TNR: variants seen among roughly 807,000 people sequenced by gnomAD.
TNR encodes the protein tenascin R, also known as tenascin-R.
A neutral mutation model predicts 150.4 loss-of-function variants in TNR; 45 were observed. The observed-to-expected ratio is 0.30, with a 90% CI of 0.24 to 0.38. The LOEUF (loss-of-function observed/expected upper bound fraction) is 0.38, where lower values mean the gene tolerates loss of function less well. Ranked by LOEUF, TNR falls within the 10% of genes least tolerant of loss-of-function variation. The pLI is 1.00. For missense variants in TNR, 1,544 were observed against 1,759.1 expected (o/e 0.88, Z 2.19); for synonymous variants, 687 against 678.4 (o/e 1.01, Z -0.20).
At chr1:175,689,649 C>G (rs1666301202) in intron 1 of TNR, among the ~76,000 whole-genome samples, 1 of 152,188 alleles carries the variant, frequency 6.6e-6, no homozygotes, top group Non-Finnish European at 1.5e-5. Flanking sequence ...ATAACCTTGC[C>G]TCTCATTGCC....
At chr1:175,433,949 C>T (rs1655382840) in intron 2 of TNR, among the ~76,000 whole-genome samples, 1 of 152,154 alleles carries the variant, frequency 6.6e-6, no homozygotes, top group Non-Finnish European at 1.5e-5. Flanking sequence ...TACTTTTCTG[C>T]CTGCTCTAGG....
At chr1:175,355,717 C>T in intron 16 of TNR, 84 bp from the exon 17 acceptor site, 1 of 1,579,362 alleles carries the variant, frequency 6.3e-7, no homozygotes, top group Non-Finnish European at 8.6e-7. Context: ...ATCTGTTGCC[C>T]ACCTCTTTGG....
chr1:175,685,337 A>G (rs1666157028), intron 1 of TNR, among the ~76,000 whole-genome samples: 1 of 152,190 alleles, frequency 6.6e-6, no homozygotes, highest in African/African-American at 2.4e-5. Flanking sequence ...CTCCACCATG[A>G]TTTGCTTCTC....
At chr1:175,732,655 T>C (rs1206291672) in intron 1 of TNR, among the ~76,000 whole-genome samples, 3 of 152,206 alleles carry the variant, frequency 2.0e-5, no homozygotes, top group African/African-American at 4.8e-5. Context: ...GTGGGGAACC[T>C]GGAAGGTTTC....
chr1:175,707,701 T>C (rs181298148), intron 1 of TNR, among the ~76,000 whole-genome samples: 93 of 152,266 alleles, frequency 6.1e-4, no homozygotes, highest in African/African-American at 2.2e-3. Context: ...AAATAAAATG[T>C]TGCTTGTGTA....
chr1:175,511,607 C>T (rs1464194242), intron 2 of TNR, among the ~76,000 whole-genome samples: 1 of 152,210 alleles, frequency 6.6e-6, no homozygotes, highest in African/African-American at 2.4e-5. Flanking sequence ...GACTCAAGCA[C>T]ATCTTGCAGT....
chr1:175,387,305 A>C (rs1055634280), intron 7 of TNR, among the ~76,000 whole-genome samples: 1 of 152,200 alleles, frequency 6.6e-6, no homozygotes, highest in African/African-American at 2.4e-5. Context: ...TTGGGGCTAC[A>C]CCCTTCTGGC....
At chr1:175,522,113 C>T (rs1659661757) in intron 2 of TNR, among the ~76,000 whole-genome samples, 1 of 152,196 alleles carries the variant, frequency 6.6e-6, no homozygotes, top group African/African-American at 2.4e-5. Context: ...CCACCCCACT[C>T]CACTTCTCCT....
chr1:175,575,226 C>T (rs2102223275), intron 1 of TNR, among the ~76,000 whole-genome samples: 1 of 152,328 alleles, frequency 6.6e-6, no homozygotes, highest in Admixed American at 6.5e-5. Flanking sequence ...CCCTGAGAAA[C>T]TAAAATAAGC....
intron 1 of TNR, among the ~76,000 whole-genome samples, chr1:175,623,460 C>A (rs1257960173): frequency 6.6e-6 from 1 of 152,180 alleles, no homozygotes; most frequent in Non-Finnish European, 1.5e-5. Flanking sequence ...GTTGGAGGTG[C>A]AGGAGGTGAT....
intron 1 of TNR, among the ~76,000 whole-genome samples, chr1:175,648,795 T>C (rs1439267242): frequency 1.3e-5 from 2 of 152,138 alleles, no homozygotes; most frequent in Non-Finnish European, 1.5e-5. Flanking sequence ...CCGTTAGTCT[T>C]CCCATCTCAG....
rs1288776854 is a variant in TNR, at chr1:175,650,644, A to G, written c.-165+92582T>C. Among the ~76,000 whole-genome samples, 22 of 109,504 alleles carry G rather than the reference A, an allele frequency of 2.0e-4. No individual in the cohort carries two copies. In the East Asian group the frequency reaches 6.7e-3, roughly 33 times the overall value. 71.8% of individuals were successfully genotyped at this position (109,504 alleles called of 152,430 possible). ...CTCCTCCCCCACCTCAATATTACCC[A>G]TCAATACAGCCACTGTATTGAGGCT... On this transcript the variant is annotated intron_variant, in intron 1 of 22. Transcript: ENST00000367674.
intron 21 of TNR, among the ~76,000 whole-genome samples, chr1:175,326,540 A>G (rs1649406761): frequency 6.6e-6 from 1 of 152,182 alleles, no homozygotes; most frequent in Non-Finnish European, 1.5e-5. Flanking sequence ...TTCCCCTTCC[A>G]GTCTCCAGGG....
Position 175,363,575 on chromosome 1 carries a change from C to G in TNR, c.2707+133G>C, listed in dbSNP as rs1011589031. 3.2e-6 allele frequency: 4 copies of G among 1,248,066 alleles called. No individual in the cohort carries two copies. In the African/African-American group the frequency reaches 6.1e-5, roughly 19 times the overall value. 77.3% of individuals were successfully genotyped at this position (1,248,066 alleles called of 1,614,324 possible). On this transcript the variant is annotated intron_variant, in intron 13 of 22. Coordinates refer to ENST00000367674, the MANE Select transcript of TNR (RefSeq NM_003285.3). ...TTTCTTGGCTGCTCACCAGCCCACT[C>G]TCATTCTGATGCAGCATGCCACAGA...
At chr1:175,406,136 GT>G in intron 3 of TNR, 79 bp downstream of exon 3, 1 of 1,525,796 alleles carries the variant, frequency 6.6e-7, no homozygotes, top group Non-Finnish European at 8.8e-7. Flanking sequence ...AAGTGCATTG[GT>G]CCTTCTTGTT....
intron 9 of TNR, 34 bp downstream of exon 9, chr1:175,379,518 A>G (rs765883924): frequency 5.4e-5 from 86 of 1,591,642 alleles, no homozygotes; most frequent in Non-Finnish European, 3.4e-6. Context: ...AGACTCAGCA[A>G]CCAGCATAAC....
At chr1:175,656,396 C>T (rs1384303898) in intron 1 of TNR, among the ~76,000 whole-genome samples, 2 of 152,148 alleles carry the variant, frequency 1.3e-5, no homozygotes, top group Non-Finnish European at 2.9e-5. Context: ...CTGACCGGAC[C>T]TGGGTCTGAA....
chr1:175,479,166 C>T (rs1322381261), intron 2 of TNR, among the ~76,000 whole-genome samples: 13 of 152,194 alleles, frequency 8.5e-5, no homozygotes. Context: ...CAATCTCTGG[C>T]AAGATTTCAC....
At chr1:175,636,739 GTC>G (rs1270165237) in intron 1 of TNR, among the ~76,000 whole-genome samples, 1 of 152,122 alleles carries the variant, frequency 6.6e-6, no homozygotes, top group Admixed American at 6.5e-5. Flanking sequence ...GACAGAGGTG[GTC>G]TCTCTGTTTG....
Sources: gnomAD v4.1 joint callset for allele counts (sites outside exome capture counted in the v4.1 genomes callset) on GRCh38, gnomAD v4.1.1 for gene constraint, MANE v1.5 for transcripts, NCBI Gene and HGNC (gene_info 2026-07-23, HGNC 2026-07-21) for gene names.